The following IL13RA1 variants were observed in gnomAD, a reference collection of about 807,000 sequenced individuals.
IL13RA1 encodes the protein interleukin-13 receptor subunit alpha-1.
In IL13RA1, 14 loss-of-function variants were observed where a neutral mutation model predicts 33.8. That is an observed-to-expected ratio of 0.41 (90% CI 0.27 to 0.65). The LOEUF (loss-of-function observed/expected upper bound fraction) is 0.65, where lower values mean the gene tolerates loss of function less well. IL13RA1 is among the 30% of genes least tolerant of loss of function. The pLI is 0.28. For synonymous variants in IL13RA1, 116 were observed against 115.7 expected (o/e 1.00, Z -0.02); for missense variants, 313 against 327.0 (o/e 0.96, Z 0.33).
At chrX:118,801,377 T>C in the IL13RA1 span, among the ~76,000 whole-genome samples, 5 of 112,301 alleles carry the variant, frequency 4.5e-5, no homozygotes, top group Admixed American at 9.4e-5. Context: ...GGCTGGACTT[T>C]GTGAGCCCTT....
intron 6 of IL13RA1, chrX:118,761,613 A>G (rs2017591347): frequency 7.5e-6 from 1 of 132,634 alleles, no homozygotes; most frequent in African/African-American, 3.1e-5. Flanking sequence ...GGCAGTGAAC[A>G]TGACACCTGA....
At chrX:118,752,822 A>G (rs1031715168) in intron 4 of IL13RA1, among the ~76,000 whole-genome samples, 3 of 112,302 alleles carry the variant, frequency 2.7e-5, no homozygotes, top group African/African-American at 9.7e-5. Context: ...CATGAATAAA[A>G]AGAGAGAAGG....
At chrX:118,797,838 C>T (rs1382806747), downstream of IL13RA1, among the ~76,000 whole-genome samples, 3 of 111,441 alleles carry the variant, frequency 2.7e-5, no homozygotes, top group Non-Finnish European at 5.6e-5. Flanking sequence ...CTGGATACTA[C>T]CAGTAACTTG....
At chrX:118,800,468 C>T in the IL13RA1 span, among the ~76,000 whole-genome samples, 1 of 110,365 alleles carries the variant, frequency 9.1e-6, no homozygotes, top group Non-Finnish European at 1.9e-5. Flanking sequence ...TAACACACAC[C>T]GCCAAGGTCT....
intron 1 of IL13RA1, among the ~76,000 whole-genome samples, chrX:118,737,058 T>C (rs2017290723): frequency 8.9e-6 from 1 of 112,662 alleles, no homozygotes; most frequent in Non-Finnish European, 1.9e-5. Context: ...TAGGGAGGGC[T>C]TGCAACAGTG....
the IL13RA1 span, among the ~76,000 whole-genome samples, chrX:118,801,117 G>T: frequency 3.6e-5 from 4 of 112,371 alleles, no homozygotes; most frequent in African/African-American, 1.3e-4. Context: ...ATCATTTTTT[G>T]TCTAAATATA....
chrX:118,745,586 T>G (rs944846041), intron 2 of IL13RA1, among the ~76,000 whole-genome samples: 1 of 111,869 alleles, frequency 8.9e-6, no homozygotes, highest in African/African-American at 3.2e-5. Context: ...ATGTCCTGGT[T>G]TTGGGGGTAT....
chrX:118,757,221 A>T (rs2017539183), intron 4 of IL13RA1, among the ~76,000 whole-genome samples: 2 of 111,718 alleles, frequency 1.8e-5, no homozygotes, highest in African/African-American at 3.3e-5. Flanking sequence ...TGCTGACAGT[A>T]CCAGTGTTCA....
chrX:118,787,723 G>A (rs1186162167), intron 10 of IL13RA1, among the ~76,000 whole-genome samples: 4 of 111,454 alleles, frequency 3.6e-5, no homozygotes, highest in Non-Finnish European at 7.5e-5. Context: ...TCCTTACTGG[G>A]GAAATAATTC....
chrX:118,755,146 A>G lies in IL13RA1; in HGVS notation c.489-2909A>G, dbSNP rs770416800. 9.2e-5 allele frequency among the ~76,000 whole-genome samples: 10 copies of G among 109,144 alleles called. No individual in the cohort carries two copies. The East Asian group carries it at 2.3e-3, about 25-fold the overall frequency. 94.8% of individuals were successfully genotyped at this position (109,144 alleles called of 115,157 possible). The stretch of plus-strand genomic sequence containing the variant: ...GTATTTTCAGTAGAGACAGGGTTTT[A>G]CCATGTTGGCCAGGCCGGTCTGGAA... On this transcript the variant is annotated intron_variant, in intron 4 of 10. Coordinates refer to ENST00000371666, the MANE Select transcript of IL13RA1 (RefSeq NM_001560.3).
In IL13RA1 at chrX:118,766,940, A is replaced by T; in HGVS notation, c.973A>T (p.Lys325Ter). ...AAATAAGTTATGCTATGAGGATGACAAACTCTGGAGTAATTGGAGCCAAGA... is the reference window on the plus strand; with the variant it reads ...AAATAAGTTATGCTATGAGGATGACTAACTCTGGAGTAATTGGAGCCAAGA... ...KTNKLCYEDD[K>*]LWSNWSQEMS... The change falls in exon 8 of 11, where the codon AAA becomes TAA. Residue 325 changes from lysine (K) to a stop codon, truncating the protein, a stop_gained. Transcript: ENST00000371666. LOFTEE classifies it high-confidence loss of function. The T allele has an allele frequency of 8.8e-7, 1 of 1,139,997 alleles. No homozygotes were observed. Among genetic ancestry groups the T allele is most frequent in the Non-Finnish European group, 1.2e-6 (1 of 833,776 alleles). 93.9% of individuals were successfully genotyped at this position (1,139,997 alleles called of 1,213,427 possible).
chrX:118,741,178 A>G, intron 2 of IL13RA1, 22 bp downstream of exon 2: 3 of 1,044,214 alleles, frequency 2.9e-6, no homozygotes, highest in Non-Finnish European at 4.0e-6. Flanking sequence ...GCAACATGTT[A>G]CATTGATGAG....
In IL13RA1 at chrX:118,741,101, C is replaced by T. The variant is rs1406417705; in HGVS notation, c.173C>T (p.Ala58Val). The T allele has an allele frequency of 1.7e-6, 2 of 1,146,959 alleles. No individual in the cohort carries two copies. The highest frequency in any genetic ancestry group is 3.0e-5 in the East Asian group (1 of 33,505). 94.5% of individuals were successfully genotyped at this position (1,146,959 alleles called of 1,213,427 possible). Residue 58 changes from alanine to valine, a missense_variant, in exon 2 of 11, where the codon GCC becomes GTC. Coordinates refer to ENST00000371666, the MANE Select transcript of IL13RA1 (RefSeq NM_001560.3). ...VIWTWNPPEG[A>V]SSNCSLWYFS... ...TGGACATGGAATCCACCCGAGGGAGCCAGCTCAAATTGTAGTCTATGGTAT... is the reference window on the plus strand; with the variant it reads ...TGGACATGGAATCCACCCGAGGGAGTCAGCTCAAATTGTAGTCTATGGTAT...
downstream of IL13RA1, among the ~76,000 whole-genome samples, chrX:118,794,690 G>A (rs2018014552): frequency 9.0e-6 from 1 of 111,440 alleles, no homozygotes; most frequent in Admixed American, 9.5e-5. Flanking sequence ...GTTCCGGTGT[G>A]CCTATGTTTT....
Position 118,792,104 on chromosome X carries a change from A to G in IL13RA1, c.*250A>G, listed in dbSNP as rs1474094084. On this transcript the variant is annotated 3_prime_UTR_variant, in exon 11 of 11. Transcript: ENST00000371666. ...CCAGCAGGCTTCAAACTAGGGGACA[A>G]AGCAAAAAGTGATGATAGTGGTGGA... The G allele has an allele frequency of 9.9e-6, 2 of 201,760 alleles. No individual in the cohort carries two copies. The highest frequency in any genetic ancestry group is 8.9e-6 in the Non-Finnish European group (1 of 112,104). The allele number at this position is 201,760 out of a possible 1,213,427, so 16.6% of individuals were successfully genotyped here.
At chrX:118,745,720 A>C (rs1272009792) in intron 2 of IL13RA1, among the ~76,000 whole-genome samples, 3 of 111,813 alleles carry the variant, frequency 2.7e-5, no homozygotes, top group Non-Finnish European at 5.6e-5. Flanking sequence ...ATGTAGATGA[A>C]AGGAAATACT....
intron 4 of IL13RA1, among the ~76,000 whole-genome samples, chrX:118,756,635 G>A (rs1336747079): frequency 9.0e-6 from 1 of 111,414 alleles, no homozygotes; most frequent in Non-Finnish European, 1.9e-5. Context: ...TAAAAGACGA[G>A]GATCCATGAA....
intron 10 of IL13RA1, among the ~76,000 whole-genome samples, chrX:118,784,473 AT>A (rs997784865): frequency 6.3e-5 from 7 of 110,340 alleles, no homozygotes; most frequent in Non-Finnish European, 1.3e-4. Context: ...TATAAAATAA[AT>A]TTTAATGATG....
intron 4 of IL13RA1, among the ~76,000 whole-genome samples, chrX:118,757,079 G>A (rs2017537716): frequency 8.9e-6 from 1 of 111,853 alleles, no homozygotes; most frequent in South Asian, 3.7e-4. Context: ...GGAAGGAGCA[G>A]GGCAGAGGGA....
Sources: allele counts gnomAD v4.1 joint callset (sites outside exome capture counted in the v4.1 genomes callset), GRCh38; gene constraint gnomAD v4.1.1; transcripts MANE v1.5; gene names NCBI Gene and HGNC (gene_info 2026-07-23, HGNC 2026-07-21).